The following HYCC1 variants were observed in gnomAD, a reference collection of about 807,000 sequenced individuals.
HYCC1 encodes hyccin.
the HYCC1 span, among the ~76,000 whole-genome samples, chr7:22,994,280 T>C: frequency 6.6e-6 from 1 of 152,218 alleles, no homozygotes; most frequent in African/African-American, 2.4e-5. Context: ...GAATAAACTA[T>C]ATCTGTGTTA....
the HYCC1 span, among the ~76,000 whole-genome samples, chr7:22,996,987 T>G: frequency 6.6e-6 from 1 of 152,310 alleles, no homozygotes; most frequent in South Asian, 2.1e-4. Flanking sequence ...ACTTCCTATT[T>G]TTGCCAAACA....
the HYCC1 span, among the ~76,000 whole-genome samples, chr7:23,011,258 A>T: frequency 6.6e-6 from 1 of 152,304 alleles, no homozygotes; most frequent in South Asian, 2.1e-4. Flanking sequence ...TCATTTCATC[A>T]CAACTAAATC....
At chr7:22,960,407 A>G in the HYCC1 span, 3 of 1,611,968 alleles carry the variant, frequency 1.9e-6, no homozygotes, top group Non-Finnish European at 2.5e-6. Flanking sequence ...CCTTTATTGC[A>G]TTAGCAACCT....
chr7:22,915,579 G>A, the HYCC1 span, among the ~76,000 whole-genome samples: 10 of 152,180 alleles, frequency 6.6e-5, no homozygotes, highest in African/African-American at 7.2e-5. Flanking sequence ...TCGGCTTAGC[G>A]GCTTAAGACT....
chr7:22,919,593 G>C, the HYCC1 span, among the ~76,000 whole-genome samples: 1 of 151,116 alleles, frequency 6.6e-6, no homozygotes, highest in Non-Finnish European at 1.5e-5. Context: ...TCAATTAGGA[G>C]ATATGAATTA....
chr7:23,012,132 A>T, the HYCC1 span, among the ~76,000 whole-genome samples: 1 of 152,230 alleles, frequency 6.6e-6, no homozygotes, highest in African/African-American at 2.4e-5. Context: ...ATATAATTTC[A>T]ATCATTTATA....
chr7:22,977,657 T>C, the HYCC1 span, among the ~76,000 whole-genome samples: 2 of 152,206 alleles, frequency 1.3e-5, no homozygotes, highest in African/African-American at 4.8e-5. Context: ...GAGATACAGA[T>C]ACAGTGTCTT....
At chr7:22,980,695 A>T in the HYCC1 span, among the ~76,000 whole-genome samples, 1 of 152,180 alleles carries the variant, frequency 6.6e-6, no homozygotes. Flanking sequence ...AAAGATACGG[A>T]AAAGTTGGAG....
the HYCC1 span, among the ~76,000 whole-genome samples, chr7:22,913,402 G>A: frequency 6.6e-6 from 1 of 152,200 alleles, no homozygotes; most frequent in Non-Finnish European, 1.5e-5. Flanking sequence ...ACTGTCATCC[G>A]ACTTCACTGT....
the HYCC1 span, among the ~76,000 whole-genome samples, chr7:22,965,069 G>A: frequency 2.6e-5 from 4 of 151,272 alleles, no homozygotes; most frequent in African/African-American, 9.7e-5. Flanking sequence ...GGGAGGTGGA[G>A]GTTGCAGTAA....
the HYCC1 span, among the ~76,000 whole-genome samples, chr7:22,916,007 G>C: frequency 2.0e-5 from 3 of 151,882 alleles, no homozygotes; most frequent in African/African-American, 7.3e-5. Flanking sequence ...CACAAGTATG[G>C]GACACTTTTA....
At chr7:22,983,917 A>G in the HYCC1 span, 1 of 1,274,592 alleles carries the variant, frequency 7.8e-7, no homozygotes, top group East Asian at 2.3e-5. Context: ...CAATACTGTT[A>G]GCACAATAAA....
At chr7:22,986,635 C>T in the HYCC1 span, among the ~76,000 whole-genome samples, 1 of 152,226 alleles carries the variant, frequency 6.6e-6, no homozygotes, top group East Asian at 1.9e-4. Context: ...ATCACGAGGT[C>T]AGGAGTTAAA....
the HYCC1 span, among the ~76,000 whole-genome samples, chr7:22,988,009 TA>T: frequency 6.6e-6 from 1 of 152,226 alleles, no homozygotes; most frequent in African/African-American, 2.4e-5. Context: ...ACTCTAATTT[TA>T]AAAGTACTTA....
the HYCC1 span, among the ~76,000 whole-genome samples, chr7:22,895,892 C>T: frequency 6.6e-6 from 1 of 152,184 alleles, no homozygotes; most frequent in African/African-American, 2.4e-5. Flanking sequence ...TGTACACAGA[C>T]TGTGGCATCC....
chr7:22,957,097 A>G, the HYCC1 span, among the ~76,000 whole-genome samples: 6 of 151,954 alleles, frequency 3.9e-5, no homozygotes, highest in African/African-American at 1.4e-4. Flanking sequence ...ATTCATTTTA[A>G]AAACACTACA....
chr7:22,961,169 C>CTCTA, the HYCC1 span: 2 of 1,083,224 alleles, frequency 1.8e-6, no homozygotes, highest in South Asian at 1.3e-5. Context: ...GAATGGCTCT[C>CTCTA]AATTTATAGT....
chr7:22,983,604 A>T, the HYCC1 span: 1 of 258,452 alleles, frequency 3.9e-6, no homozygotes, highest in Non-Finnish European at 7.5e-6. Flanking sequence ...CAGGATAAAA[A>T]CCATGTGTTA....
At chr7:22,964,400 T>C in the HYCC1 span, 1 of 1,351,066 alleles carries the variant, frequency 7.4e-7, no homozygotes, top group Non-Finnish European at 1.1e-6. Context: ...ATTTCGCATA[T>C]GATGAGATAC....
Sources: allele counts gnomAD v4.1 joint callset (sites outside exome capture counted in the v4.1 genomes callset), GRCh38; gene constraint gnomAD v4.1.1; transcripts MANE v1.5; gene names NCBI Gene and HGNC (gene_info 2026-07-23, HGNC 2026-07-21).